The following PCDHGB2 variants were observed in gnomAD, a reference collection of about 807,000 sequenced individuals.
PCDHGB2 encodes the protein protocadherin gamma-B2.
Under a neutral mutation model 59.3 loss-of-function variants are expected in PCDHGB2, and 55 were observed. The ratio of observed to expected loss-of-function variants is 0.93; its 90% CI spans 0.75 to 1.16. The LOEUF (loss-of-function observed/expected upper bound fraction) is 1.16. PCDHGB2 is among the 50% of genes most tolerant of loss of function. The pLI is 0.00. For missense variants in PCDHGB2, 1,228 were observed against 1,198.5 expected (o/e 1.02, Z -0.36); for synonymous variants, 516 against 512.0 (o/e 1.01, Z -0.11).
chr5:141,472,779 A>C (rs908169292), intron 1 of PCDHGB2, among the ~76,000 whole-genome samples: 5 of 152,012 alleles, frequency 3.3e-5, no homozygotes, highest in Non-Finnish European at 7.4e-5. Context: ...TGAGGTTGGG[A>C]GTTCAAGATC....
intron 1 of PCDHGB2, chr5:141,433,252 G>T (rs1398141147): frequency 1.4e-6 from 2 of 1,425,340 alleles, no homozygotes; most frequent in Non-Finnish European, 1.9e-6. Flanking sequence ...GGAATGCAGC[G>T]GTACGATCAT....
chr5:141,389,996 C>T, intron 1 of PCDHGB2: 1 of 1,614,022 alleles, frequency 6.2e-7, no homozygotes, highest in Non-Finnish European at 8.5e-7. Context: ...TCCTCGTGGC[C>T]ATGATTCTGG....
chr5:141,450,887 C>A (rs531604055), intron 1 of PCDHGB2, among the ~76,000 whole-genome samples: 1 of 148,582 alleles, frequency 6.7e-6, no homozygotes, highest in East Asian at 2.0e-4. Flanking sequence ...TGCAGTGGTG[C>A]GATATCGGCT....
intron 1 of PCDHGB2, chr5:141,408,038 C>G (rs2095030679): frequency 8.6e-7 from 1 of 1,156,402 alleles, no homozygotes; most frequent in Admixed American, 3.0e-5. Flanking sequence ...AGAAAACCAG[C>G]TCCCACACAG....
chr5:141,422,876 G>A (rs2096681830), intron 1 of PCDHGB2: 1 of 1,614,248 alleles, frequency 6.2e-7, no homozygotes, highest in Non-Finnish European at 8.5e-7. Context: ...GTGTCGCTGA[G>A]CCTGTTCGTG....
chr5:141,491,662 A>C lies in PCDHGB2; in HGVS notation c.2422-3145A>C. 2 of 1,613,770 alleles carry C rather than the reference A, an allele frequency of 1.2e-6. No homozygotes were observed. The highest frequency in any genetic ancestry group is 1.7e-6 in the Non-Finnish European group (2 of 1,180,018). ...AGCTCTGGCGCTGGAGCCTGACGCC[A>C]TCCGGTCCCGCTCTAATACGCTGCG... On this transcript the variant is annotated intron_variant, in intron 1 of 3. Coordinates refer to ENST00000522605, the MANE Select transcript of PCDHGB2 (RefSeq NM_018923.3). This position sits in a 1 kb window ranked among gnomAD's most constrained non-coding sequence, Gnocchi z 6.9.
intron 1 of PCDHGB2, among the ~76,000 whole-genome samples, chr5:141,465,360 C>T (rs1238387777): frequency 6.6e-6 from 1 of 151,940 alleles, no homozygotes; most frequent in Non-Finnish European, 1.5e-5. Context: ...AAAATGGGTG[C>T]CCTTTAAAGT....
intron 1 of PCDHGB2, chr5:141,394,343 C>T: frequency 1.2e-6 from 2 of 1,614,158 alleles, no homozygotes; most frequent in African/African-American, 1.3e-5. Context: ...TCAACTCTGA[C>T]ACCGGTGTCC....
At chr5:141,499,189 C>T (rs1406015145) in intron 2 of PCDHGB2, among the ~76,000 whole-genome samples, 3 of 152,088 alleles carry the variant, frequency 2.0e-5, no homozygotes, top group African/African-American at 7.2e-5. Flanking sequence ...AAACCATTTC[C>T]CCCTTCTTAG....
chr5:141,383,611 C>A lies in PCDHGB2; in HGVS notation c.2421+21055C>A, dbSNP rs757490099. ...GGTGACAGTGGTGGATGTGAATGAC[C>A]ACACGCCTGTCTTCTCTCTGCCTCA... On this transcript the variant is annotated intron_variant, in intron 1 of 3. Coordinates refer to ENST00000522605, the MANE Select transcript of PCDHGB2 (RefSeq NM_018923.3). 8 of 1,613,656 alleles carry A rather than the reference C, an allele frequency of 5.0e-6. No individual in the cohort carries two copies. The Admixed American group carries it at 1.3e-4, about 27-fold the overall frequency.
intron 1 of PCDHGB2, chr5:141,387,968 G>A (rs1169859236): frequency 7.4e-6 from 11 of 1,489,402 alleles, no homozygotes; most frequent in Non-Finnish European, 9.9e-6. Flanking sequence ...TCTGCCCGGC[G>A]CTCTGTGAGC....
At chr5:141,439,774 T>G (rs1435214431) in intron 1 of PCDHGB2, 2 of 152,364 alleles carry the variant, frequency 1.3e-5, no homozygotes, top group East Asian at 3.9e-4. Context: ...CCTTCTTGGC[T>G]GGAGATTCTA....
chr5:141,491,598 C>T lies in PCDHGB2; in HGVS notation c.2422-3209C>T, dbSNP rs1410472886. On this transcript the variant is annotated intron_variant, in intron 1 of 3. Transcript: ENST00000522605. This position sits in a 1 kb window ranked among gnomAD's most constrained non-coding sequence, Gnocchi z 6.9. ...TTTCACCGGCCTCGGACGGCAGTGA[C>T]TTCACTTTTCTAAGACCCCTCAGCG... 1.4e-5 allele frequency: 22 copies of T among 1,613,872 alleles called. No homozygotes were observed. The highest frequency in any genetic ancestry group is 1.8e-5 in the Non-Finnish European group (21 of 1,180,048).
intron 2 of PCDHGB2, among the ~76,000 whole-genome samples, chr5:141,496,391 A>G (rs1473991011): frequency 1.3e-5 from 2 of 151,930 alleles, no homozygotes; most frequent in Admixed American, 6.6e-5. Flanking sequence ...ACCTTACCCT[A>G]CCTCCTCAAT....
At chr5:141,422,040 C>T (rs1045003805) in intron 1 of PCDHGB2, 10 of 1,611,324 alleles carry the variant, frequency 6.2e-6, no homozygotes, top group African/African-American at 4.0e-5. Context: ...CGGATCCAGA[C>T]GAGGGAATCA....
chr5:141,417,859 GAT>G, intron 1 of PCDHGB2: 1 of 1,548,208 alleles, frequency 6.5e-7, no homozygotes, highest in Middle Eastern at 1.7e-4. Context: ...CCGAGCGAAC[GAT>G]GGGAGGGAGC....
At chr5:141,445,963 A>G (rs2098483291) in intron 1 of PCDHGB2, among the ~76,000 whole-genome samples, 2 of 152,342 alleles carry the variant, frequency 1.3e-5, no homozygotes, top group South Asian at 2.1e-4. Flanking sequence ...TATATGGAGA[A>G]TTGATTTATG....
chr5:141,361,268 A>G lies in PCDHGB2; in HGVS notation c.1133A>G (p.Glu378Gly). 5 of 1,613,982 alleles carry G rather than the reference A, an allele frequency of 3.1e-6. No homozygotes were observed. The highest frequency in any genetic ancestry group is 4.2e-6 in the Non-Finnish European group (5 of 1,179,880). The part of the protein sequence containing the change: ...LIKTRDRDSG[E>G]NGEVYCQVLG... ...AAAACGAGAGACAGAGACTCTGGAG[A>G]AAATGGAGAAGTTTACTGCCAAGTG... is the stretch of plus-strand genomic sequence containing the variant. Residue 378 changes from glutamate to glycine, a missense_variant, in exon 1 of 4, where the codon GAA (glutamate) becomes GGA (glycine). By Grantham distance (98) the Glu-to-Gly change is moderately conservative. Transcript: ENST00000522605.
chr5:141,419,792 G>A (rs1379811891), intron 1 of PCDHGB2: 1 of 1,614,042 alleles, frequency 6.2e-7, no homozygotes, highest in African/African-American at 1.3e-5. Flanking sequence ...CCTGCTAGTC[G>A]CTGTAAGAGA....
Sources: gnomAD v4.1 joint callset for allele counts (sites outside exome capture counted in the v4.1 genomes callset) on GRCh38, gnomAD v4.1.1 for gene constraint, Gnocchi (gnomAD v3.1) non-coding constraint, MANE v1.5 for transcripts, NCBI Gene and HGNC (gene_info 2026-07-23, HGNC 2026-07-21) for gene names.